The following VWC2 variants were observed in gnomAD, a reference collection of about 807,000 sequenced individuals.
VWC2 encodes the protein brorin.
In VWC2, 14 loss-of-function variants were observed where a neutral mutation model predicts 29.8. That is an observed-to-expected ratio of 0.47 (90% CI 0.31 to 0.74). VWC2 has a LOEUF of 0.74. VWC2 is among the 30% of genes least tolerant of loss of function. The pLI, the probability that VWC2 is intolerant of heterozygous loss-of-function variation, is 0.05. For missense variants in VWC2, 457 were observed against 459.8 expected (o/e 0.99, Z 0.05); for synonymous variants, 213 against 199.0 (o/e 1.07, Z -0.59).
intron 1 of VWC2, among the ~76,000 whole-genome samples, chr7:49,774,552 T>G (rs1019931706): frequency 6.6e-6 from 1 of 152,182 alleles, no homozygotes; most frequent in Non-Finnish European, 1.5e-5. Flanking sequence ...CCTCCCGCAC[T>G]GCACACCTTG....
chr7:49,898,531 A>T (rs1792520483), intron 3 of VWC2, among the ~76,000 whole-genome samples: 1 of 152,086 alleles, frequency 6.6e-6, no homozygotes, highest in East Asian at 1.9e-4. Flanking sequence ...TGCAGGCTAC[A>T]AAATTCTAGA....
intron 3 of VWC2, among the ~76,000 whole-genome samples, chr7:49,813,367 C>G (rs1789057549): frequency 6.6e-6 from 1 of 152,220 alleles, no homozygotes; most frequent in Admixed American, 6.5e-5. Context: ...ACTTTGGGGA[C>G]CCATCCCTAG....
intron 3 of VWC2, among the ~76,000 whole-genome samples, chr7:49,825,837 C>T (rs1789378165): frequency 1.3e-5 from 2 of 152,258 alleles, no homozygotes; most frequent in East Asian, 1.9e-4. Flanking sequence ...TACTTTCTGG[C>T]CACCTCCTCA....
intron 2 of VWC2, among the ~76,000 whole-genome samples, chr7:49,799,872 A>G (rs1202721231): frequency 6.6e-6 from 1 of 152,206 alleles, no homozygotes; most frequent in Non-Finnish European, 1.5e-5. Context: ...ACAGCACGTT[A>G]CTGTCCTGAA....
chr7:49,905,513 T>A (rs150202534), intron 3 of VWC2, among the ~76,000 whole-genome samples: 68 of 152,392 alleles, frequency 4.5e-4, no homozygotes, highest in African/African-American at 1.4e-3. Context: ...TATATTTTAA[T>A]GTGAGGTAAA....
chr7:49,879,501 T>G (rs1293110069), intron 3 of VWC2, among the ~76,000 whole-genome samples: 1 of 152,136 alleles, frequency 6.6e-6, no homozygotes, highest in East Asian at 1.9e-4. Flanking sequence ...TATAATAGAA[T>G]GCAGAATCAC....
chr7:49,793,768 A>G (rs1788518483), intron 2 of VWC2, among the ~76,000 whole-genome samples: 1 of 152,244 alleles, frequency 6.6e-6, no homozygotes, highest in Non-Finnish European at 1.5e-5. Flanking sequence ...TCTTTGATAG[A>G]TAGCATATAA....
chr7:49,890,733 A>C (rs1034543591), intron 3 of VWC2, among the ~76,000 whole-genome samples: 1 of 9,694 alleles, frequency 1.0e-4, no homozygotes, highest in Non-Finnish European at 2.4e-4. Flanking sequence ...AGCAAAACAA[A>C]AAAAAAAAAA....
intron 3 of VWC2, among the ~76,000 whole-genome samples, chr7:49,865,579 C>A (rs1790850669): frequency 6.6e-6 from 1 of 152,178 alleles, no homozygotes; most frequent in African/African-American, 2.4e-5. Flanking sequence ...GCTTAGGACT[C>A]CAAAAAGCAT....
chr7:49,781,447 T>G (rs1249818632), intron 2 of VWC2, among the ~76,000 whole-genome samples: 1 of 152,212 alleles, frequency 6.6e-6, no homozygotes, highest in Admixed American at 6.5e-5. Flanking sequence ...GCCAATATTT[T>G]TTATATATTG....
chr7:49,840,399 C>T (rs1317621020), intron 3 of VWC2, among the ~76,000 whole-genome samples: 1 of 152,144 alleles, frequency 6.6e-6, no homozygotes, highest in Non-Finnish European at 1.5e-5. Context: ...GGGCCCATCA[C>T]ATCTGATTAG....
intron 3 of VWC2, among the ~76,000 whole-genome samples, chr7:49,877,742 T>C (rs1471506891): frequency 6.6e-6 from 1 of 150,440 alleles, no homozygotes; most frequent in African/African-American, 2.4e-5. Flanking sequence ...GCCACTCACT[T>C]TTCAGGTGTC....
intron 3 of VWC2, among the ~76,000 whole-genome samples, chr7:49,871,618 G>A (rs1791149538): frequency 6.6e-6 from 1 of 151,868 alleles, no homozygotes; most frequent in Non-Finnish European, 1.5e-5. Flanking sequence ...AACCTCTATG[G>A]TTTTTATTCA....
chr7:49,872,067 G>T (rs1298527663), intron 3 of VWC2, among the ~76,000 whole-genome samples: 1 of 151,272 alleles, frequency 6.6e-6, no homozygotes, highest in African/African-American at 2.4e-5. Context: ...CTAAGTAGAT[G>T]AATAATATAT....
intron 3 of VWC2, among the ~76,000 whole-genome samples, chr7:49,855,004 A>G (rs1271809603): frequency 2.0e-5 from 3 of 152,314 alleles, no homozygotes; most frequent in Middle Eastern, 3.4e-3. Context: ...TGAAAATGCA[A>G]ACTGAAGCAT....
chr7:49,846,350 T>C (rs978756727), intron 3 of VWC2, among the ~76,000 whole-genome samples: 5 of 152,232 alleles, frequency 3.3e-5, no homozygotes, highest in Non-Finnish European at 7.3e-5. Context: ...TTCTGTGATC[T>C]GGTCTCTTAA....
chr7:49,792,964 TG>T (rs1475161389), intron 2 of VWC2, among the ~76,000 whole-genome samples: 1 of 152,216 alleles, frequency 6.6e-6, no homozygotes, highest in Admixed American at 6.5e-5. Context: ...TCTCTAGATC[TG>T]GGACAACGCT....
intron 3 of VWC2, among the ~76,000 whole-genome samples, chr7:49,872,243 C>G (rs188408637): frequency 6.6e-6 from 1 of 152,060 alleles, no homozygotes; most frequent in East Asian, 1.9e-4. Flanking sequence ...GGTGGAGAGA[C>G]AGAGGGGCTA....
At position 49,917,397 on chromosome 7, in the gene VWC2, A is replaced by C. The variant is rs957584339; in HGVS notation, c.*5212A>C. 3 of 152,226 alleles carry C rather than the reference A, an allele frequency of 2.0e-5. No individual in the cohort carries two copies. Among genetic ancestry groups the C allele is most frequent in the African/African-American group, 7.2e-5 (3 of 41,458 alleles). 9.4% of individuals were successfully genotyped at this position (152,226 alleles called of 1,614,324 possible). ...AAAAGTATTCAGCCAAAGTTTCAAT[A>C]GAATTAGGAAACTTAAATGAAAATG... On this transcript the variant is annotated 3_prime_UTR_variant, in exon 4 of 4. Transcript: ENST00000340652.
Sources: gnomAD v4.1 joint callset for allele counts (sites outside exome capture counted in the v4.1 genomes callset) on GRCh38, gnomAD v4.1.1 for gene constraint, MANE v1.5 for transcripts, NCBI Gene and HGNC (gene_info 2026-07-23, HGNC 2026-07-21) for gene names.